BAZ1B: variants seen among roughly 807,000 people sequenced by gnomAD.
The protein encoded by BAZ1B is tyrosine-protein kinase BAZ1B.
Under a neutral mutation model 153.8 loss-of-function variants are expected in BAZ1B, and 22 were observed. The ratio of observed to expected loss-of-function variants is 0.14; its 90% CI spans 0.10 to 0.20. BAZ1B has a LOEUF of 0.20. BAZ1B is among the 10% of genes least tolerant of loss of function. BAZ1B has a pLI of 1.00. For missense variants in BAZ1B, 1,325 were observed against 1,799.3 expected, an observed-to-expected ratio of 0.74 and a Z score of 4.77; for synonymous variants, 676 against 633.4, an observed-to-expected ratio of 1.07 and a Z score of -1.01.
intron 2 of BAZ1B, 128 bp from the exon 3 acceptor site, chr7:73,508,599 G>A (rs929680575): frequency 8.9e-7 from 1 of 1,118,222 alleles, no homozygotes; most frequent in African/African-American, 1.6e-5. Flanking sequence ...TGTCACCAAG[G>A]CTGGAGTGCA....
At chr7:73,514,817 C>T (rs1790730057) in intron 1 of BAZ1B, among the ~76,000 whole-genome samples, 1 of 151,874 alleles carries the variant, frequency 6.6e-6, no homozygotes, top group Non-Finnish European at 1.5e-5. Context: ...CATGGTGGGT[C>T]ACGCCTGTAA....
chr7:73,471,278 C>G (rs183923429), intron 7 of BAZ1B, among the ~76,000 whole-genome samples: 2 of 152,164 alleles, frequency 1.3e-5, no homozygotes, highest in Non-Finnish European at 2.9e-5. Flanking sequence ...ACAGCAGGGA[C>G]GCACTTGTGG....
intron 13 of BAZ1B, 95 bp downstream of exon 13, chr7:73,459,441 G>A (rs1217745371): frequency 3.2e-6 from 4 of 1,253,338 alleles, no homozygotes; most frequent in South Asian, 2.8e-5. Flanking sequence ...AGGGCACAGT[G>A]CCTATAGCAG....
chr7:73,477,371 C>T lies in BAZ1B; in HGVS notation c.2090G>A (p.Arg697His). 1.9e-6 allele frequency: 3 copies of T among 1,614,216 alleles called. No homozygotes were observed. Among genetic ancestry groups the T allele is most frequent in the Non-Finnish European group, 2.5e-6 (3 of 1,180,022 alleles). ...GCTTTCCTCCTGAACATCAGATCTGCGCAAGCAGAGCCGCACCAGCTCTGA... is the reference window on the plus strand; with the variant it reads ...GCTTTCCTCCTGAACATCAGATCTGTGCAAGCAGAGCCGCACCAGCTCTGA... ...SVSELVRLCL[R>H]RSDVQEESEG... The change falls in exon 7 of 20, where the codon CGC (arginine) becomes CAC (histidine). Residue 697 changes from arginine to histidine, a missense_variant. Arg to His is a conservative substitution (Grantham distance 29). Coordinates refer to ENST00000339594, the MANE Select transcript of BAZ1B (RefSeq NM_032408.4). This position sits in a 1 kb window ranked among gnomAD's most constrained non-coding sequence, Gnocchi z 5.6.
rs940654251 is a variant in BAZ1B at position 73,460,657 on chromosome 7, T to A, written c.3250-939A>T. ...ATGGCATCACGCCTGGCTAATTTTT[T>A]AAATTCTTTTTAGAGACAGGGTCTC... On this transcript the variant is annotated intron_variant, in intron 12 of 19. Transcript: ENST00000339594. Among the ~76,000 whole-genome samples the A allele has an allele frequency of 6.6e-5, 10 of 152,162 alleles. 1 individual carries two copies. The highest frequency in any genetic ancestry group is 1.3e-4 in the Non-Finnish European group (9 of 68,020).
intron 2 of BAZ1B, among the ~76,000 whole-genome samples, chr7:73,508,892 C>A (rs576706672): frequency 3.0e-4 from 45 of 152,070 alleles, no homozygotes; most frequent in Non-Finnish European, 1.5e-5. Flanking sequence ...TGGTGCCTAT[C>A]GTCCCAGCTA....
chr7:73,517,436 A>G (rs573954704), intron 1 of BAZ1B, among the ~76,000 whole-genome samples: 1 of 152,100 alleles, frequency 6.6e-6, no homozygotes, highest in Admixed American at 6.5e-5. Context: ...TGGAGGCTGC[A>G]GTAAGCCATG....
intron 10 of BAZ1B, among the ~76,000 whole-genome samples, chr7:73,466,001 C>A (rs529474339): frequency 6.6e-6 from 1 of 152,242 alleles, no homozygotes; most frequent in East Asian, 1.9e-4. Context: ...TTAAATACTT[C>A]TATTCCCAAC....
chr7:73,488,992 A>G (rs1554574952), intron 6 of BAZ1B, among the ~76,000 whole-genome samples: 2 of 152,232 alleles, frequency 1.3e-5, no homozygotes, highest in African/African-American at 4.8e-5. Context: ...TAAAAAATAA[A>G]TTGAACTGGG....
intron 3 of BAZ1B, among the ~76,000 whole-genome samples, chr7:73,499,647 A>G (rs1790048654): frequency 6.6e-6 from 1 of 152,206 alleles, no homozygotes; most frequent in Non-Finnish European, 1.5e-5. Flanking sequence ...GGCTGCAGTA[A>G]GCTATGACAG....
At chr7:73,471,130 T>C (rs535383194) in intron 7 of BAZ1B, among the ~76,000 whole-genome samples, 1 of 152,314 alleles carries the variant, frequency 6.6e-6, no homozygotes, top group African/African-American at 2.4e-5. Flanking sequence ...CAGGTGCACC[T>C]ACAGGATCCT....
chr7:73,491,986 CTTTT>C (rs782649883), intron 5 of BAZ1B, among the ~76,000 whole-genome samples: 1 of 117,254 alleles, frequency 8.5e-6, no homozygotes, highest in Non-Finnish European at 1.7e-5. Context: ...CAGCAAAACG[CTTTT>C]TTTTTTTTTT....
chr7:73,462,556 G>A, intron 12 of BAZ1B: 1 of 264,018 alleles, frequency 3.8e-6, no homozygotes, highest in Non-Finnish European at 7.3e-6. Context: ...TGAGTGTGAA[G>A]AATGGGCAAG....
In BAZ1B at chr7:73,478,438, G is replaced by A. The variant is rs372347737; in HGVS notation, c.1023C>T (p.His341=). ...GCGAGCCACTCAATGACTTCTTCAA[G>A]TGTACGTGACACCATAACTTAGGAT... ...PLNPKLWCHV[H]LKKSLSGSPL... Residue 341 remains histidine, a synonymous_variant, in exon 7 of 20, where the codon CAC becomes CAT. Coordinates refer to ENST00000339594, the MANE Select transcript of BAZ1B (RefSeq NM_032408.4). 124 of 1,613,106 alleles carry A rather than the reference G, an allele frequency of 7.7e-5. No individual in the cohort carries two copies. Among genetic ancestry groups the A allele is most frequent in the Non-Finnish European group, 8.1e-5 (95 of 1,179,662 alleles).
chr7:73,456,094 T>A (rs1012886445), intron 13 of BAZ1B, among the ~76,000 whole-genome samples: 1 of 152,172 alleles, frequency 6.6e-6, no homozygotes, highest in African/African-American at 2.4e-5. Context: ...GTGAGGAAAC[T>A]GGGTATCTAA....
At chr7:73,449,418 G>A (rs1327675631) in intron 15 of BAZ1B, 124 bp downstream of exon 15, 2 of 1,192,042 alleles carry the variant, frequency 1.7e-6, no homozygotes, top group African/African-American at 1.6e-5. Context: ...TAAATGATCA[G>A]GCTCTGTACC....
intron 1 of BAZ1B, among the ~76,000 whole-genome samples, chr7:73,518,748 T>A (rs782038517): frequency 1.3e-5 from 2 of 152,222 alleles, no homozygotes; most frequent in Non-Finnish European, 2.9e-5. Flanking sequence ...TAGTCACACT[T>A]GTGTAGAGCC....
chr7:73,452,706 A>G (rs1788062875), intron 13 of BAZ1B, among the ~76,000 whole-genome samples: 1 of 149,034 alleles, frequency 6.7e-6, no homozygotes, highest in Admixed American at 6.8e-5. Flanking sequence ...TGGGTGACAG[A>G]GCAAGACTTC....
intron 13 of BAZ1B, among the ~76,000 whole-genome samples, chr7:73,458,771 C>T (rs1323416757): frequency 1.3e-5 from 2 of 151,910 alleles, no homozygotes; most frequent in African/African-American, 4.8e-5. Flanking sequence ...GTGGCTCACG[C>T]TTACAATCAA....
Sources: gnomAD v4.1 joint callset for allele counts (sites outside exome capture counted in the v4.1 genomes callset) on GRCh38, gnomAD v4.1.1 for gene constraint, Gnocchi (gnomAD v3.1) non-coding constraint, MANE v1.5 for transcripts, NCBI Gene and HGNC (gene_info 2026-07-23, HGNC 2026-07-21) for gene names.